Variants in RUNDC3A observed in about 807,000 individuals in gnomAD.
RUNDC3A encodes the protein RUN domain containing 3A.
A neutral mutation model predicts 53.9 loss-of-function variants in RUNDC3A; 28 were observed. The observed-to-expected ratio is 0.52, with a 90% CI of 0.38 to 0.71. RUNDC3A has a LOEUF of 0.71. Ranked by LOEUF, RUNDC3A falls within the 30% of genes least tolerant of loss-of-function variation. The pLI, the probability that RUNDC3A is intolerant of heterozygous loss-of-function variation, is 0.00. For synonymous variants in RUNDC3A, 232 were observed against 249.4 expected (o/e 0.93, Z 0.66); for missense variants, 491 against 597.3 (o/e 0.82, Z 1.85).
chr17:44,314,424 T>C, intron 4 of RUNDC3A: 1 of 1,229,674 alleles, frequency 8.1e-7, no homozygotes, highest in Non-Finnish European at 1.0e-6. Flanking sequence ...TTTGCGCACC[T>C]ACTGTATACC....
chr17:44,315,544 G>A lies in RUNDC3A; in HGVS notation c.888G>A (p.Ala296=). 6.6e-7 allele frequency: 1 copy of A among 1,514,944 alleles called. No homozygotes were observed. The highest frequency in any genetic ancestry group is 1.2e-5 in the South Asian group (1 of 80,394). 93.8% of individuals were successfully genotyped at this position (1,514,944 alleles called of 1,614,324 possible). A position where few individuals can be genotyped will look rare whatever the true frequency, so the allele number is the denominator to read the frequency against. ...GGCTTCAGCTGCAGCTGGAGGAGGC[G>A]GCGGCGCAGAACCAGCGCGAGAAAC... ...NRRLQLQLEE[A]AAQNQREKRE... Residue 296 remains alanine (A), a synonymous_variant, in exon 8 of 11, where the codon GCG becomes GCA. Coordinates refer to ENST00000426726, the MANE Select transcript of RUNDC3A (RefSeq NM_001144825.2). The surrounding 1 kb of genome is among the most constrained non-coding windows in gnomAD (Gnocchi z 6.1).
intron 2 of RUNDC3A, 91 bp from the exon 3 acceptor site, chr17:44,313,013 G>A (rs2144681120): frequency 7.2e-7 from 1 of 1,394,882 alleles, no homozygotes; most frequent in Non-Finnish European, 1.0e-6. Context: ...GTGGGAGGAG[G>A]CTGCTTATGC....
At position 44,315,153 on chromosome 17, in the gene RUNDC3A, A is replaced by G. The variant is rs2047833074; in HGVS notation, c.630-2A>G. The G allele has an allele frequency of 6.3e-7, 1 of 1,577,182 alleles. No homozygotes were observed. The highest frequency in any genetic ancestry group is 8.6e-7 in the Non-Finnish European group (1 of 1,161,258). ...GCCGTGCCCACTGCTCCCTCTCCCA[A>G]GCTACGACTACCTGACGGACGAGGA... On this transcript the variant is annotated splice_acceptor_variant, in intron 6 of 10. Transcript: ENST00000426726. LOFTEE classifies it high-confidence loss of function. This position sits in a 1 kb window ranked among gnomAD's most constrained non-coding sequence, Gnocchi z 6.1.
At chr17:44,313,292 C>A in intron 3 of RUNDC3A, 40 bp downstream of exon 3, 1 of 1,610,014 alleles carries the variant, frequency 6.2e-7, no homozygotes, top group East Asian at 2.2e-5. Flanking sequence ...CTGCTCTGGA[C>A]ACAGGGGGCC....
intron 4 of RUNDC3A, chr17:44,314,356 G>T: frequency 9.5e-7 from 1 of 1,049,368 alleles, no homozygotes; most frequent in Non-Finnish European, 1.2e-6. Flanking sequence ...GCCATACCCA[G>T]CCTGATGTTT....
At chr17:44,311,021 C>T (rs1025578673) in intron 1 of RUNDC3A, 14 of 985,338 alleles carry the variant, frequency 1.4e-5, no homozygotes, top group African/African-American at 1.7e-5. Context: ...GAGGCAGGTA[C>T]GATTGTTCCC....
Position 44,313,506 on chromosome 17 carries a change from C to T in RUNDC3A, c.458+3C>T. 1 of 1,606,984 alleles carries T rather than the reference C, an allele frequency of 6.2e-7. No homozygotes were observed. The highest frequency in any genetic ancestry group is 2.2e-5 in the East Asian group (1 of 44,650). On this transcript the variant is annotated splice_donor_region_variant and intron_variant, in intron 4 of 10. Coordinates refer to ENST00000426726, the MANE Select transcript of RUNDC3A (RefSeq NM_001144825.2). ...CTGCGTGACACCCGGACCACCAGGT[C>T]AGACTTCCCAGGCAACTCAGACCAC...
chr17:44,317,164 G>C, intron 10 of RUNDC3A: 1 of 489,686 alleles, frequency 2.0e-6, no homozygotes, highest in Non-Finnish European at 3.7e-6. Flanking sequence ...CCTTTCTTGA[G>C]GGTTTAGCAC....
intron 2 of RUNDC3A, 89 bp downstream of exon 2, chr17:44,312,784 CT>C (rs2047776220): frequency 3.2e-6 from 2 of 621,678 alleles, no homozygotes; most frequent in Admixed American, 5.8e-5. Flanking sequence ...CCAGCGGTCC[CT>C]CCCCAACTCC....
chr17:44,315,752 C>G lies in RUNDC3A; in HGVS notation c.953+143C>G. 1 of 717,558 alleles carries G rather than the reference C, an allele frequency of 1.4e-6. No homozygotes were observed. The highest frequency in any genetic ancestry group is 3.5e-5 in the East Asian group (1 of 28,918). The allele number at this position is 717,558 out of a possible 1,614,324, so 44.4% of individuals were successfully genotyped here. A position where few individuals can be genotyped will look rare whatever the true frequency, so the allele number is the denominator to read the frequency against. On this transcript the variant is annotated intron_variant, in intron 8 of 10. Coordinates refer to ENST00000426726, the MANE Select transcript of RUNDC3A (RefSeq NM_001144825.2). The surrounding 1 kb of genome is among the most constrained non-coding windows in gnomAD (Gnocchi z 6.1). ...AGCATCAACCCTCTGATCCAGCCAGCCCCACCCCGAGATGCCCACAATGAT... is the reference window on the plus strand; with the variant it reads ...AGCATCAACCCTCTGATCCAGCCAGGCCCACCCCGAGATGCCCACAATGAT...
chr17:44,315,635 C>T lies in RUNDC3A; in HGVS notation c.953+26C>T. On this transcript the variant is annotated intron_variant, in intron 8 of 10. Coordinates refer to ENST00000426726, the MANE Select transcript of RUNDC3A (RefSeq NM_001144825.2). This position sits in a 1 kb window ranked among gnomAD's most constrained non-coding sequence, Gnocchi z 6.1. ...GTGAGCGCACGGCCTGCCCTAACCC[C>T]TGACCCCCGCCGCCCCGACCACATC... is the stretch of plus-strand genomic sequence containing the variant. The T allele has an allele frequency of 7.1e-7, 1 of 1,407,806 alleles. No individual in the cohort carries two copies. The highest frequency in any genetic ancestry group is 9.3e-7 in the Non-Finnish European group (1 of 1,071,444). 87.2% of individuals were successfully genotyped at this position (1,407,806 alleles called of 1,614,324 possible).
At chr17:44,314,568 A>C in intron 4 of RUNDC3A, 167 bp from the exon 5 acceptor site, 2 of 1,441,972 alleles carry the variant, frequency 1.4e-6, no homozygotes, top group Non-Finnish European at 1.8e-6. Flanking sequence ...CACAGGTGCG[A>C]GCCCCAGGCT....
In RUNDC3A at chr17:44,308,840, C is replaced by T. The variant is rs1217644133; in HGVS notation, c.8C>T (p.Ala3Val). The T allele has an allele frequency of 6.2e-7, 1 of 1,604,554 alleles. No homozygotes were observed. Among genetic ancestry groups the T allele is most frequent in the Non-Finnish European group, 8.5e-7 (1 of 1,175,094 alleles). The stretch of plus-strand genomic sequence containing the variant: ...CAGTGGCCGCACATCTGGATGGAAG[C>T]GAGCTTTGTCCAGACCACCATGGCT... ME[A>V]SFVQTTMALG... Residue 3 changes from alanine (A) to valine (V), a missense_variant, in exon 1 of 11, where the codon GCG becomes GTG. Ala to Val is a moderately conservative substitution (Grantham distance 64). Around this residue, in one of 2 missense-constraint regions of RUNDC3A, gnomAD observed 273 missense variants for 389.0 expected, o/e 0.70. Coordinates refer to ENST00000426726, the MANE Select transcript of RUNDC3A (RefSeq NM_001144825.2).
chr17:44,311,160 C>G (rs993381554), intron 1 of RUNDC3A: 13 of 985,562 alleles, frequency 1.3e-5, no homozygotes, highest in Non-Finnish European at 1.6e-5. Flanking sequence ...GCTCTGATCT[C>G]AAGGCAGTTC....
At chr17:44,311,433 T>A (rs762006752) in intron 1 of RUNDC3A, 2 of 761,144 alleles carry the variant, frequency 2.6e-6, no homozygotes, top group Non-Finnish European at 3.2e-6. Flanking sequence ...TCAGTCAACC[T>A]CTTGGACCAT....
intron 1 of RUNDC3A, chr17:44,310,821 C>T (rs1355641786): frequency 1.0e-6 from 1 of 985,440 alleles, no homozygotes; most frequent in Admixed American, 6.1e-5. Flanking sequence ...TGGTCTGACC[C>T]AGATGACCAG....
intron 3 of RUNDC3A, 82 bp downstream of exon 3, chr17:44,313,334 C>G: frequency 6.2e-7 from 1 of 1,607,520 alleles, no homozygotes; most frequent in Non-Finnish European, 8.5e-7. Context: ...CCCCTGTGCA[C>G]AGCCCAGGGG....
Position 44,315,779 on chromosome 17 carries a change from T to A in RUNDC3A, c.953+170T>A. 1.9e-6 allele frequency: 1 copy of A among 518,652 alleles called. No homozygotes were observed. Among genetic ancestry groups the A allele is most frequent in the Non-Finnish European group, 3.1e-6 (1 of 323,028 alleles). 32.1% of individuals were successfully genotyped at this position (518,652 alleles called of 1,614,324 possible). ...CCACCCCGAGATGCCCACAATGATC[T>A]TCTAACATTGCCCCCAGCATAAGAT... On this transcript the variant is annotated intron_variant, in intron 8 of 10. Transcript: ENST00000426726. This position sits in a 1 kb window ranked among gnomAD's most constrained non-coding sequence, Gnocchi z 6.1.
rs1191414973 is a variant in RUNDC3A at position 44,313,104 on chromosome 17, C to T, written c.224C>T (p.Ala75Val). The change falls in exon 3 of 11, where the codon GCC (alanine) becomes GTC (valine). Residue 75 changes from alanine (A) to valine (V), a missense_variant and splice_region_variant. Ala to Val is a moderately conservative substitution (Grantham distance 64). Around this residue, in one of 2 missense-constraint regions of RUNDC3A, gnomAD observed 273 missense variants for 389.0 expected, o/e 0.70. Coordinates refer to ENST00000426726, the MANE Select transcript of RUNDC3A (RefSeq NM_001144825.2). Reference protein sequence around the residue: ...LEQILSHRFKACAPAGPVSWF... With the variant: ...LEQILSHRFKVCAPAGPVSWF... ...GAGCCCCCTCCCTGCCCTGGCTCAG[C>T]CTGTGCCCCAGCAGGTCCAGTGAGC... The T allele has an allele frequency of 1.9e-6, 3 of 1,613,820 alleles. No homozygotes were observed.
Sources: allele counts gnomAD v4.1 joint callset, GRCh38; gene constraint gnomAD v4.1.1; regional missense constraint gnomAD v4.1.1; non-coding constraint Gnocchi (gnomAD v3.1); transcripts MANE v1.5; gene names NCBI Gene and HGNC (gene_info 2026-07-23, HGNC 2026-07-21).